DST: variants seen among roughly 807,000 people sequenced by gnomAD.
The protein encoded by DST is dystonin, also known as bullous pemphigoid antigen.
Under a neutral mutation model 875.2 loss-of-function variants are expected in DST, and 253 were observed. That is an observed-to-expected ratio of 0.29 (90% CI 0.26 to 0.32). DST has a LOEUF of 0.32. DST is among the 10% of genes least tolerant of loss of function. DST has a pLI of 1.00. For synonymous variants in DST, 3,124 were observed against 3,197.1 expected (o/e 0.98, Z 0.77); for missense variants, 8,287 against 9,111.6 (o/e 0.91, Z 3.68).
At chr6:56,855,025 G>C (rs1252405736) in intron 3 of DST, among the ~76,000 whole-genome samples, 1 of 152,142 alleles carries the variant, frequency 6.6e-6, no homozygotes, top group African/African-American at 2.4e-5. Flanking sequence ...GAGTAATTAG[G>C]GTAGTGAAGA....
chr6:56,814,848 C>T (rs553131058), intron 4 of DST, among the ~76,000 whole-genome samples: 57 of 152,224 alleles, frequency 3.7e-4, no homozygotes, highest in African/African-American at 1.3e-3. Flanking sequence ...ACACTGAAAG[C>T]TTTTATCTGT....
intron 10 of DST, among the ~76,000 whole-genome samples, chr6:56,665,226 A>G (rs1156366639): frequency 6.6e-6 from 1 of 152,206 alleles, no homozygotes; most frequent in Non-Finnish European, 1.5e-5. Context: ...ATTCCAAGTT[A>G]AACTCTAAGG....
At chr6:56,885,396 A>G (rs1455580429) in intron 3 of DST, among the ~76,000 whole-genome samples, 2 of 152,204 alleles carry the variant, frequency 1.3e-5, no homozygotes, top group Non-Finnish European at 2.9e-5. Context: ...GACCTACCAT[A>G]CTGTTTTCTA....
At chr6:56,739,374 A>G (rs1371544716) in intron 4 of DST, among the ~76,000 whole-genome samples, 1 of 152,158 alleles carries the variant, frequency 6.6e-6, no homozygotes, top group Non-Finnish European at 1.5e-5. Context: ...ACAAGGAAAC[A>G]GAAACAATTT....
In DST at chr6:56,765,329, AT is replaced by A. The variant is rs532681102; in HGVS notation, c.626-30041del. Among the ~76,000 whole-genome samples the A allele has an allele frequency of 1.8e-3, 279 of 152,290 alleles. 1 individual carries two copies. Among genetic ancestry groups the A allele is most frequent in the South Asian group, 3.1e-3 (15 of 4,826 alleles). On this transcript the variant is annotated intron_variant, in intron 4 of 103. Coordinates refer to ENST00000680361, the MANE Select transcript of DST (RefSeq NM_001374736.1). Reference sequence around the variant, plus strand: ...TGCCCCCAATTTTATGTTTTGAGATATTTTGAATTTCATAACAAATACTGAA... The same window carrying A: ...TGCCCCCAATTTTATGTTTTGAGATATTTGAATTTCATAACAAATACTGAA...
At chr6:56,851,084 T>G (rs1764975304) in intron 4 of DST, 2 of 352,592 alleles carry the variant, frequency 5.7e-6, no homozygotes, top group Non-Finnish European at 1.0e-5. Flanking sequence ...GCTAATACTT[T>G]CAGAATGTTA....
intron 9 of DST, among the ~76,000 whole-genome samples, chr6:56,676,553 G>A (rs567570227): frequency 6.6e-6 from 1 of 152,238 alleles, no homozygotes; most frequent in African/African-American, 2.4e-5. Flanking sequence ...AGGGAAATCT[G>A]TATGTCAAAG....
rs183265598 is a variant in DST, at chr6:56,458,906, C to T, written c.*99G>A. The T allele has an allele frequency of 7.8e-7, 1 of 1,285,036 alleles. No homozygotes were observed. Among genetic ancestry groups the T allele is most frequent in the African/African-American group, 1.5e-5 (1 of 67,236 alleles). 79.6% of individuals were successfully genotyped at this position (1,285,036 alleles called of 1,614,324 possible). ...GGCCATCTGCAGAATTTTAAACTCG[C>T]CTCTTGCAATATTTCACAAGAATTT... On this transcript the variant is annotated 3_prime_UTR_variant, in exon 104 of 104. Coordinates refer to ENST00000680361, the MANE Select transcript of DST (RefSeq NM_001374736.1).
In DST at chr6:56,593,954, C is replaced by T; in HGVS notation, c.12435G>A (p.Glu4145=). 6.2e-7 allele frequency: 1 copy of T among 1,613,872 alleles called. No individual in the cohort carries two copies. The highest frequency in any genetic ancestry group is 1.1e-5 in the South Asian group (1 of 91,056). ...CTGACTGCTGTAGCCAGTGCTCAAA[C>T]TCGGTATAGTCAGCATCAAACTTTT... ...ELEKFDADYT[E]FEHWLQQSEQ... is the part of the protein sequence containing the mutation. Residue 4145 remains glutamate (E), a synonymous_variant, in exon 48 of 104, where the codon GAG becomes GAA. Coordinates refer to ENST00000680361, the MANE Select transcript of DST (RefSeq NM_001374736.1).
chr6:56,747,071 T>C (rs1175310820), intron 4 of DST, among the ~76,000 whole-genome samples: 1 of 152,164 alleles, frequency 6.6e-6, no homozygotes, highest in African/African-American at 2.4e-5. Context: ...AGGAGGTCTC[T>C]GAAAGGAGAA....
intron 4 of DST, among the ~76,000 whole-genome samples, chr6:56,794,041 A>T (rs2099735636): frequency 6.6e-6 from 1 of 152,238 alleles, no homozygotes; most frequent in Non-Finnish European, 1.5e-5. Context: ...TTATTTTAAT[A>T]CAGGCTGTCA....
chr6:56,527,889 T>C (rs2152508509), intron 67 of DST, among the ~76,000 whole-genome samples, 155 bp from the exon 68 acceptor site: 1 of 152,310 alleles, frequency 6.6e-6, no homozygotes, highest in African/African-American at 2.4e-5. Context: ...TTTTCTAAAT[T>C]TTAATCTTTC....
In DST at chr6:56,501,678, C is replaced by T. The variant is rs751076112; in HGVS notation, c.19582G>A (p.Ala6528Thr). Reference protein sequence around the residue: ...IEELKQFKSEAYQQQIEMERL... With the variant: ...IEELKQFKSETYQQQIEMERL... ...TCCATTTCTATCTGCTGTTGATAGG[C>T]CTCAGACTTAAATTGCTATTTTAAA... Residue 6528 changes from alanine to threonine, a missense_variant, in exon 79 of 104, where the codon GCC becomes ACC. Around this residue, in one of 10 missense-constraint regions of DST, gnomAD observed 1,292 missense variants for 1,552.7 expected, o/e 0.83. Transcript: ENST00000680361. 5 of 1,594,478 alleles carry T rather than the reference C, an allele frequency of 3.1e-6. No homozygotes were observed. The highest frequency in any genetic ancestry group is 8.5e-7 in the Non-Finnish European group (1 of 1,173,364).
intron 36 of DST, chr6:56,615,837 C>T: frequency 3.1e-6 from 5 of 1,614,118 alleles, no homozygotes; most frequent in Non-Finnish European, 4.2e-6. Context: ...ATAATATTTG[C>T]ATTCACAGCT....
chr6:56,919,860 T>C (rs1803160835), intron 2 of DST, among the ~76,000 whole-genome samples: 4 of 152,074 alleles, frequency 2.6e-5, no homozygotes, highest in Admixed American at 2.6e-4. Flanking sequence ...GGCAGAAGAA[T>C]TGCTTAACCC....
chr6:56,923,840 A>T (rs1034300710), intron 2 of DST, among the ~76,000 whole-genome samples: 9 of 152,138 alleles, frequency 5.9e-5, no homozygotes, highest in Admixed American at 5.9e-4. Flanking sequence ...CACCTTCCCT[A>T]TGGCCAGGCA....
chr6:56,952,537 TAA>T (rs1226216252), intron 2 of DST, among the ~76,000 whole-genome samples: 1 of 152,258 alleles, frequency 6.6e-6, no homozygotes, highest in Admixed American at 6.5e-5. Flanking sequence ...AGTAATTTAA[TAA>T]AGACTTGGAA....
chr6:56,818,489 C>A (rs1354720840), intron 4 of DST, among the ~76,000 whole-genome samples: 1 of 152,146 alleles, frequency 6.6e-6, no homozygotes, highest in Non-Finnish European at 1.5e-5. Context: ...CAATCATTAA[C>A]CTTTTCCATA....
chr6:56,607,772 C>G lies in DST; in HGVS notation c.6856G>C (p.Glu2286Gln), dbSNP rs755112339. The change falls in exon 40 of 104, where the codon GAA becomes CAA. Residue 2286 changes from glutamate (E) to glutamine (Q), a missense_variant. Transcript: ENST00000680361. ...TCAGGAGTCTCTTCATGTTCAGGTT[C>G]TCCACAGTGACATTTATTGAAACTA... ...PSSFNKCHCG[E>Q]PEHEETPENR... 4.3e-6 allele frequency: 7 copies of G among 1,613,292 alleles called. No homozygotes were observed. Among genetic ancestry groups the G allele is most frequent in the Non-Finnish European group, 5.9e-6 (7 of 1,179,706 alleles).
Sources: allele counts gnomAD v4.1 joint callset (sites outside exome capture counted in the v4.1 genomes callset), GRCh38; gene constraint gnomAD v4.1.1; regional missense constraint gnomAD v4.1.1; transcripts MANE v1.5; gene names NCBI Gene and HGNC (gene_info 2026-07-23, HGNC 2026-07-21).